The following WDFY2 variants were observed in gnomAD, a reference collection of about 807,000 sequenced individuals.
WDFY2 encodes the protein WD repeat and FYVE domain containing 2.
A neutral mutation model predicts 56.4 loss-of-function variants in WDFY2; 36 were observed. The ratio of observed to expected loss-of-function variants is 0.64; its 90% CI spans 0.49 to 0.84. WDFY2 has a LOEUF of 0.84. WDFY2 is among the 40% of genes least tolerant of loss of function. The probability of loss-of-function intolerance (pLI) is 0.00; values close to 1 mark genes in which losing one functional copy is unlikely to be tolerated. For synonymous variants in WDFY2, 176 were observed against 183.7 expected (o/e 0.96, Z 0.34); for missense variants, 444 against 512.2 (o/e 0.87, Z 1.29).
intron 6 of WDFY2, among the ~76,000 whole-genome samples, chr13:51,734,811 T>C (rs958055051): frequency 6.6e-6 from 1 of 152,210 alleles, no homozygotes; most frequent in African/African-American, 2.4e-5. Context: ...GGGAGAAGCA[T>C]AAAATGAAAC....
chr13:51,663,296 G>A (rs1050239098), intron 2 of WDFY2, among the ~76,000 whole-genome samples: 1 of 152,186 alleles, frequency 6.6e-6, no homozygotes, highest in African/African-American at 2.4e-5. Context: ...ATATAGTGTT[G>A]ATTGGTAAAT....
chr13:51,743,743 T>C (rs899075876), intron 7 of WDFY2, among the ~76,000 whole-genome samples: 1 of 152,076 alleles, frequency 6.6e-6, no homozygotes, highest in Non-Finnish European at 1.5e-5. Flanking sequence ...AGTATGAAAA[T>C]AGGCAAAGGT....
At position 51,584,519 on chromosome 13, in the gene WDFY2, C is replaced by T. The variant is rs1297316336; in HGVS notation, c.-169C>T. 2.2e-6 allele frequency: 2 copies of T among 900,342 alleles called. No homozygotes were observed. The highest frequency in any genetic ancestry group is 3.2e-6 in the Non-Finnish European group (2 of 623,220). 55.8% of individuals were successfully genotyped at this position (900,342 alleles called of 1,614,324 possible). A position where few individuals can be genotyped will look rare whatever the true frequency, so the allele number is the denominator to read the frequency against. On this transcript the variant is annotated 5_prime_UTR_variant, in exon 1 of 12. Transcript: ENST00000298125. ...CGGTTTTGGTGCCTGAAGCAGGGAGCGCGGAGTCGTTCCCGAGAGAGGCGG... is the reference window on the plus strand; with the variant it reads ...CGGTTTTGGTGCCTGAAGCAGGGAGTGCGGAGTCGTTCCCGAGAGAGGCGG...
chr13:51,756,442 C>A lies in WDFY2; in HGVS notation c.1044C>A (p.His348Gln). 5 of 1,613,998 alleles carry A rather than the reference C, an allele frequency of 3.1e-6. No individual in the cohort carries two copies. The highest frequency in any genetic ancestry group is 4.2e-6 in the Non-Finnish European group (5 of 1,179,952). ...EFEVRVCDSC[H>Q]EAITDEERAP... ...AAGTGAGGGTCTGTGACAGCTGCCA[C>A]GAGGCCATCACAGATGAAGAGTAAG... Residue 348 changes from histidine (H) to glutamine (Q), a missense_variant, in exon 10 of 12, where the codon CAC becomes CAA. Transcript: ENST00000298125.
chr13:51,757,462 A>AG (rs3990008), intron 10 of WDFY2, among the ~76,000 whole-genome samples: 2 of 94,938 alleles, frequency 2.1e-5, no homozygotes, highest in Admixed American at 2.5e-4. Context: ...AAAAGGAAAA[A>AG]AAAAAATTGT....
chr13:51,608,140 C>A (rs1954418936), intron 1 of WDFY2, among the ~76,000 whole-genome samples: 1 of 152,210 alleles, frequency 6.6e-6, no homozygotes, highest in African/African-American at 2.4e-5. Flanking sequence ...ACCTTCAGAA[C>A]TGTAAGATAA....
Position 51,660,680 on chromosome 13 carries a change from C to G in WDFY2, c.205+17C>G, listed in dbSNP as rs1955596726. The G allele has an allele frequency of 1.2e-6, 2 of 1,612,290 alleles. No homozygotes were observed. The highest frequency in any genetic ancestry group is 1.7e-6 in the Non-Finnish European group (2 of 1,178,842). On this transcript the variant is annotated intron_variant, in intron 2 of 11. Transcript: ENST00000298125. ...CAATGCCTTGTAAGTATCCAAATCGCTGTCTTGAAAAACCAGACATGTCCT... is the reference window on the plus strand; with the variant it reads ...CAATGCCTTGTAAGTATCCAAATCGGTGTCTTGAAAAACCAGACATGTCCT...
intron 1 of WDFY2, among the ~76,000 whole-genome samples, chr13:51,649,356 G>A (rs1955323427): frequency 6.6e-6 from 1 of 151,780 alleles, no homozygotes; most frequent in African/African-American, 2.4e-5. Context: ...GCCCTGTCCT[G>A]TTACTGCGAA....
At chr13:51,708,531 T>C (rs1566159223) in intron 4 of WDFY2, among the ~76,000 whole-genome samples, 1 of 149,568 alleles carries the variant, frequency 6.7e-6, no homozygotes, top group Admixed American at 6.7e-5. Context: ...TGACAGCTAA[T>C]AGGCAAACCA....
intron 1 of WDFY2, among the ~76,000 whole-genome samples, chr13:51,656,985 A>G (rs1048635815): frequency 1.3e-5 from 2 of 152,052 alleles, no homozygotes; most frequent in African/African-American, 4.8e-5. Flanking sequence ...GTGATTACTG[A>G]TAAGTAAAGA....
intron 4 of WDFY2, among the ~76,000 whole-genome samples, chr13:51,710,125 G>C (rs1304878744): frequency 1.3e-5 from 2 of 152,124 alleles, no homozygotes; most frequent in Non-Finnish European, 2.9e-5. Flanking sequence ...ATGCAAGGCT[G>C]GTTCAACATA....
intron 1 of WDFY2, among the ~76,000 whole-genome samples, chr13:51,610,982 AT>A (rs920351126): frequency 1.5e-4 from 23 of 152,312 alleles, no homozygotes; most frequent in African/African-American, 4.8e-4. Context: ...TTTGGGTGGT[AT>A]GGGGAAGTAA....
Position 51,727,659 on chromosome 13 carries a change from C to T in WDFY2, c.486-19C>T. ...CCTCATTTAATTTTGAGAAACAATC[C>T]TTAATGCTTTCATGACAGATTTGAT... On this transcript the variant is annotated intron_variant, in intron 5 of 11. Transcript: ENST00000298125. The T allele has an allele frequency of 6.2e-7, 1 of 1,606,118 alleles. No individual in the cohort carries two copies. Among genetic ancestry groups the T allele is most frequent in the Non-Finnish European group, 8.5e-7 (1 of 1,175,634 alleles).
chr13:51,608,859 A>G (rs1954434869), intron 1 of WDFY2, among the ~76,000 whole-genome samples: 1 of 152,060 alleles, frequency 6.6e-6, no homozygotes, highest in Non-Finnish European at 1.5e-5. Context: ...GTATTTTACC[A>G]TTTCTCTATT....
At chr13:51,669,082 TTCCCTC>T (rs1195075293) in intron 2 of WDFY2, among the ~76,000 whole-genome samples, 1 of 152,168 alleles carries the variant, frequency 6.6e-6, no homozygotes, top group African/African-American at 2.4e-5. Context: ...AATAGTCACT[TTCCCTC>T]TAATCCATTT....
intron 10 of WDFY2, among the ~76,000 whole-genome samples, chr13:51,757,445 T>C (rs1282173569): frequency 7.0e-6 from 1 of 143,532 alleles, no homozygotes; most frequent in Non-Finnish European, 1.5e-5. Context: ...CAGATTTAGC[T>C]ATAGAAAAAA....
chr13:51,683,318 A>G (rs978456352), intron 3 of WDFY2, among the ~76,000 whole-genome samples: 2 of 152,264 alleles, frequency 1.3e-5, no homozygotes, highest in Non-Finnish European at 2.9e-5. Flanking sequence ...GATAGGAATC[A>G]GTCCTGTTGG....
intron 1 of WDFY2, among the ~76,000 whole-genome samples, chr13:51,635,318 C>T (rs1308061629): frequency 1.3e-5 from 2 of 152,168 alleles, no homozygotes; most frequent in Non-Finnish European, 2.9e-5. Flanking sequence ...TCATGCCAGG[C>T]TGTGAAGAAC....
intron 1 of WDFY2, chr13:51,589,732 A>G (rs1434125496): frequency 6.6e-6 from 1 of 152,246 alleles, no homozygotes; most frequent in Admixed American, 6.5e-5. Flanking sequence ...CAGCAAAATT[A>G]GAACCCATCT....
Sources: allele counts gnomAD v4.1 joint callset (sites outside exome capture counted in the v4.1 genomes callset), GRCh38; gene constraint gnomAD v4.1.1; transcripts MANE v1.5; gene names NCBI Gene and HGNC (gene_info 2026-07-23, HGNC 2026-07-21).